The following TMEM44 variants were observed in gnomAD, a reference collection of about 807,000 sequenced individuals.
TMEM44 encodes the protein transmembrane protein 44.
TMEM44 carries 43 observed loss-of-function variants against 47.8 expected under a neutral mutation model. That is an observed-to-expected ratio of 0.90 (90% CI 0.70 to 1.16). The LOEUF (loss-of-function observed/expected upper bound fraction) is 1.16. Ranked by LOEUF, TMEM44 falls within the 50% of genes most tolerant of loss-of-function variation. The pLI, the probability that TMEM44 is intolerant of heterozygous loss-of-function variation, is 0.00. For missense variants in TMEM44, 568 were observed against 555.2 expected (o/e 1.02, Z -0.23); for synonymous variants, 277 against 238.8 (o/e 1.16, Z -1.48).
intron 9 of TMEM44, among the ~76,000 whole-genome samples, chr3:194,600,745 G>T (rs908236522): frequency 6.6e-6 from 1 of 151,074 alleles, no homozygotes; most frequent in Non-Finnish European, 1.5e-5. Context: ...GCAAGACTCC[G>T]TCTCAAAAAG....
At position 194,617,081 on chromosome 3, in the gene TMEM44, C is replaced by T; in HGVS notation, c.783+18G>A. ...CTCTGGCTGCAAGCAGGGAGCTCCC[C>T]AGGCCTGGGGTGGATACAGCGAGGT... is the stretch of plus-strand genomic sequence containing the variant. On this transcript the variant is annotated intron_variant, in intron 6 of 9. Transcript: ENST00000347147. The T allele has an allele frequency of 1.4e-6, 2 of 1,477,264 alleles. No homozygotes were observed. Among genetic ancestry groups the T allele is most frequent in the East Asian group, 2.5e-5 (1 of 39,332 alleles). 91.5% of individuals were successfully genotyped at this position (1,477,264 alleles called of 1,614,324 possible).
chr3:194,632,091 TTA>T (rs1232369471), intron 1 of TMEM44, among the ~76,000 whole-genome samples: 1 of 152,216 alleles, frequency 6.6e-6, no homozygotes, highest in East Asian at 1.9e-4. Context: ...CTCAGACAAG[TTA>T]TTTAACCTCT....
At chr3:194,620,157 G>T (rs1397392187) in intron 5 of TMEM44, among the ~76,000 whole-genome samples, 1 of 151,958 alleles carries the variant, frequency 6.6e-6, no homozygotes, top group Non-Finnish European at 1.5e-5. Context: ...TGGGCGTGGT[G>T]GTGCATGCCT....
chr3:194,599,362 G>A (rs1159338652), intron 9 of TMEM44, among the ~76,000 whole-genome samples: 4 of 152,100 alleles, frequency 2.6e-5, no homozygotes, highest in Non-Finnish European at 5.9e-5. Flanking sequence ...GCGAAGTGTG[G>A]TGACACTTCA....
Position 194,611,023 on chromosome 3 carries a change from T to G in TMEM44, c.913-3A>C. Reference sequence around the variant, plus strand: ...GTGAGAGGCACCCAATCCAAATTCTTGCAAGTAGAGGCAGGGAGACAGAAA... The same window carrying G: ...GTGAGAGGCACCCAATCCAAATTCTGGCAAGTAGAGGCAGGGAGACAGAAA... On this transcript the variant is annotated splice_region_variant and splice_polypyrimidine_tract_variant and intron_variant, in intron 7 of 9. Transcript: ENST00000347147. The surrounding 1 kb of genome is among the most constrained non-coding windows in gnomAD (Gnocchi z 4.2). 1 of 1,613,202 alleles carries G rather than the reference T, an allele frequency of 6.2e-7. No homozygotes were observed. Among genetic ancestry groups the G allele is most frequent in the Middle Eastern group, 1.7e-4 (1 of 6,058 alleles).
In TMEM44 at chr3:194,611,527, T is replaced by A. The variant is rs561040474; in HGVS notation, c.913-507A>T. Among the ~76,000 whole-genome samples the A allele has an allele frequency of 3.2e-4, 48 of 152,186 alleles. No homozygotes were observed. The highest frequency in any genetic ancestry group is 6.3e-4 in the Non-Finnish European group (43 of 68,032). On this transcript the variant is annotated intron_variant, in intron 7 of 9. Transcript: ENST00000347147. This position sits in a 1 kb window ranked among gnomAD's most constrained non-coding sequence, Gnocchi z 4.2. ...CGTACAAACAAAACAAAACAAGGAA[T>A]GCCTACTTCCCACTTCCAGACATTC... is the stretch of plus-strand genomic sequence containing the variant.
chr3:194,617,782 G>A (rs1187269849), intron 5 of TMEM44: 1 of 702,818 alleles, frequency 1.4e-6, no homozygotes, highest in Non-Finnish European at 2.6e-6. Flanking sequence ...GGGGCCTGGT[G>A]GGAGGTGGTT....
chr3:194,600,920 G>GT, intron 9 of TMEM44, among the ~76,000 whole-genome samples: 1 of 152,266 alleles, frequency 6.6e-6, no homozygotes, highest in East Asian at 1.9e-4. Flanking sequence ...GTTGAGTTTG[G>GT]TATTAAGCTA....
intron 5 of TMEM44, among the ~76,000 whole-genome samples, chr3:194,619,921 A>G (rs1011139898): frequency 2.6e-4 from 40 of 152,184 alleles, no homozygotes; most frequent in Admixed American, 2.6e-3. Flanking sequence ...ACTACCTCCT[A>G]AGGCAGGGGT....
chr3:194,604,212 G>T, intron 9 of TMEM44, 75 bp downstream of exon 9: 1 of 1,519,496 alleles, frequency 6.6e-7, no homozygotes, highest in Non-Finnish European at 8.9e-7. Flanking sequence ...AGCTGCACAA[G>T]CCCCAAGGAG....
At chr3:194,626,454 A>G (rs1030034926) in intron 2 of TMEM44, among the ~76,000 whole-genome samples, 1 of 152,186 alleles carries the variant, frequency 6.6e-6, no homozygotes, top group Non-Finnish European at 1.5e-5. Flanking sequence ...AACTACCTCT[A>G]AAGGCACCAG....
chr3:194,632,881 C>T lies in TMEM44; in HGVS notation c.137+198G>A, dbSNP rs1021555276. 8 of 961,360 alleles carry T rather than the reference C, an allele frequency of 8.3e-6. No individual in the cohort carries two copies. The African/African-American group carries it at 1.2e-4, about 15-fold the overall frequency. 59.6% of individuals were successfully genotyped at this position (961,360 alleles called of 1,614,324 possible). On this transcript the variant is annotated intron_variant, in intron 1 of 9. Coordinates refer to ENST00000347147, the MANE Select transcript of TMEM44 (RefSeq NM_001011655.3). ...CACCCAGCCTCCTCCCTTTGGCTCA[C>T]AGCCCAGCTTCCCTGTGCGTGGGAT...
intron 8 of TMEM44, among the ~76,000 whole-genome samples, 178 bp downstream of exon 8, chr3:194,610,738 C>T (rs1242077726): frequency 1.3e-5 from 2 of 152,186 alleles, no homozygotes; most frequent in East Asian, 1.9e-4. Context: ...ATATTTTTCT[C>T]TCCAACACTC....
At position 194,631,279 on chromosome 3, in the gene TMEM44, T is replaced by C. The variant is rs532828292; in HGVS notation, c.137+1800A>G. On this transcript the variant is annotated intron_variant, in intron 1 of 9. Coordinates refer to ENST00000347147, the MANE Select transcript of TMEM44 (RefSeq NM_001011655.3). Reference sequence around the variant, plus strand: ...CTGATAGGGCCTCTGAAATACATTGTCGTACCTGCCTCCTTGCTACATTTC... The same window carrying C: ...CTGATAGGGCCTCTGAAATACATTGCCGTACCTGCCTCCTTGCTACATTTC... Among the ~76,000 whole-genome samples, 128 of 152,282 alleles carry C rather than the reference T, an allele frequency of 8.4e-4. 1 individual carries two copies. The highest frequency in any genetic ancestry group is 2.7e-3 in the African/African-American group (114 of 41,562).
In TMEM44 at chr3:194,591,425, C is replaced by T. The variant is rs542231262; in HGVS notation, c.1177-2786G>A. On this transcript the variant is annotated intron_variant, in intron 9 of 9. Coordinates refer to ENST00000347147, the MANE Select transcript of TMEM44 (RefSeq NM_001011655.3). ...AGGAGAATCGTTTGAACCCCGGAGG[C>T]GGAGGTTGCAGTGAGCCGAGATCAC... Among the ~76,000 whole-genome samples, 9 of 152,178 alleles carry T rather than the reference C, an allele frequency of 5.9e-5. No homozygotes were observed. The South Asian group carries it at 1.7e-3, about 28-fold the overall frequency.
In TMEM44 at chr3:194,616,952, C is replaced by T. The variant is rs1182626121; in HGVS notation, c.783+147G>A. 6 of 851,386 alleles carry T rather than the reference C, an allele frequency of 7.0e-6. 1 individual carries two copies. The highest frequency in any genetic ancestry group is 1.1e-5 in the Non-Finnish European group (6 of 568,410). The allele number at this position is 851,386 out of a possible 1,614,324, so 52.7% of individuals were successfully genotyped here. A position where few individuals can be genotyped will look rare whatever the true frequency, so the allele number is the denominator to read the frequency against. On this transcript the variant is annotated intron_variant, in intron 6 of 9. Coordinates refer to ENST00000347147, the MANE Select transcript of TMEM44 (RefSeq NM_001011655.3). ...CTACAAATAATTGCATTTGTGTTTG[C>T]CTGCCCCAAGCTTCAAACCACTCCC...
At chr3:194,620,795 G>A (rs1226342258) in intron 5 of TMEM44, among the ~76,000 whole-genome samples, 1 of 152,134 alleles carries the variant, frequency 6.6e-6, no homozygotes, top group African/African-American at 2.4e-5. Flanking sequence ...GGGAGGCCAA[G>A]GCGGGCAGAT....
intron 6 of TMEM44, 63 bp downstream of exon 6, chr3:194,617,036 G>C (rs766120844): frequency 1.5e-5 from 21 of 1,422,338 alleles, no homozygotes; most frequent in Middle Eastern, 2.4e-4. Context: ...GGGGCAGTGA[G>C]AGGACGAGAC....
intron 8 of TMEM44, among the ~76,000 whole-genome samples, chr3:194,606,477 G>A (rs1420323284): frequency 2.0e-5 from 3 of 152,122 alleles, no homozygotes; most frequent in East Asian, 1.9e-4. Context: ...GGTACAAAGC[G>A]GCAGCACAGA....
Sources: allele counts gnomAD v4.1 joint callset (sites outside exome capture counted in the v4.1 genomes callset), GRCh38; gene constraint gnomAD v4.1.1; non-coding constraint Gnocchi (gnomAD v3.1); transcripts MANE v1.5; gene names NCBI Gene and HGNC (gene_info 2026-07-23, HGNC 2026-07-21).